C12orf42: variants seen among roughly 807,000 people sequenced by gnomAD.
C12orf42 encodes uncharacterized protein C12orf42.
C12orf42 carries 25 observed loss-of-function variants against 21.6 expected under a neutral mutation model. The ratio of observed to expected loss-of-function variants is 1.16; its 90% confidence interval spans 0.84 to 1.62. The LOEUF (loss-of-function observed/expected upper bound fraction) is 1.62. Ranked by LOEUF, C12orf42 falls within the 40% of genes most tolerant of loss-of-function variation. C12orf42 has a pLI of 0.00. For missense variants in C12orf42, 483 were observed against 459.3 expected (o/e 1.05, Z -0.47); for synonymous variants, 174 against 175.0 (o/e 0.99, Z 0.05).
At chr12:103,496,483 T>G (rs1294727938), upstream of C12orf42, among the ~76,000 whole-genome samples, 2 of 152,278 alleles carry the variant, frequency 1.3e-5, no homozygotes, top group South Asian at 4.1e-4. Context: ...CTTCCTCATC[T>G]CTATCCCACC....
the C12orf42 span, among the ~76,000 whole-genome samples, chr12:103,142,919 A>C: frequency 6.6e-6 from 1 of 152,226 alleles, no homozygotes; most frequent in Non-Finnish European, 1.5e-5. Context: ...AATTTCAAAG[A>C]AAACATATGC....
chr12:103,125,559 G>A, the C12orf42 span, among the ~76,000 whole-genome samples: 7 of 152,014 alleles, frequency 4.6e-5, no homozygotes, highest in Non-Finnish European at 1.0e-4. Context: ...GAAGAAATGA[G>A]TTCATTGCTC....
chr12:103,300,300 C>T (rs1450274343), downstream of C12orf42, among the ~76,000 whole-genome samples: 1 of 152,072 alleles, frequency 6.6e-6, no homozygotes, highest in Non-Finnish European at 1.5e-5. Context: ...TCTCAGGGAC[C>T]TAATGTTACT....
chr12:103,051,442 A>C, the C12orf42 span, among the ~76,000 whole-genome samples: 1 of 152,218 alleles, frequency 6.6e-6, no homozygotes, highest in African/African-American at 2.4e-5. Flanking sequence ...TGGAGAGGTA[A>C]TGACAACCAT....
chr12:103,119,185 T>C, the C12orf42 span, among the ~76,000 whole-genome samples: 2 of 152,236 alleles, frequency 1.3e-5, no homozygotes, highest in Admixed American at 6.5e-5. Flanking sequence ...CTGTTCTCTT[T>C]ATTTACTAGC....
At chr12:103,450,542 A>C (rs1278044843) in intron 2 of C12orf42, among the ~76,000 whole-genome samples, 1 of 152,076 alleles carries the variant, frequency 6.6e-6, no homozygotes, top group Non-Finnish European at 1.5e-5. Context: ...GCAGTGCATC[A>C]GTTATCTATT....
intron 4 of C12orf42, among the ~76,000 whole-genome samples, chr12:103,291,054 T>C (rs1470220607): frequency 6.6e-6 from 1 of 152,242 alleles, no homozygotes; most frequent in Non-Finnish European, 1.5e-5. Flanking sequence ...GAAAATATAG[T>C]ATTTAGTCAG....
intron 2 of C12orf42, among the ~76,000 whole-genome samples, chr12:103,474,056 T>A (rs953779089): frequency 1.3e-5 from 2 of 152,150 alleles, no homozygotes; most frequent in Non-Finnish European, 2.9e-5. Flanking sequence ...TACATCACCA[T>A]CCACCACCCC....
chr12:103,494,815 G>A (rs1197639871), intron 1 of C12orf42, among the ~76,000 whole-genome samples: 2 of 152,178 alleles, frequency 1.3e-5, no homozygotes, highest in South Asian at 4.1e-4. Context: ...GCGGTGAATA[G>A]GGTAAAGAAG....
At chr12:103,069,899 C>T in the C12orf42 span, among the ~76,000 whole-genome samples, 2 of 152,162 alleles carry the variant, frequency 1.3e-5, no homozygotes. Context: ...TTTCCTGATA[C>T]ACTTAGGGAC....
At chr12:103,056,960 T>C in the C12orf42 span, among the ~76,000 whole-genome samples, 12 of 152,316 alleles carry the variant, frequency 7.9e-5, no homozygotes, top group South Asian at 1.2e-3. Context: ...TAAATTGTTT[T>C]CAACTAATTC....
At position 103,368,976 on chromosome 12, in the gene C12orf42, G is replaced by A. The variant is rs77350329; in HGVS notation, c.170C>T (p.Thr57Ile). ...AATGAATCTGGAGCAGGGTACTGAAGTTCTTTCATAACAAGGGATGTGCTG... is the reference window on the plus strand; with the variant it reads ...AATGAATCTGGAGCAGGGTACTGAAATTCTTTCATAACAAGGGATGTGCTG... ...SAKHIPCYER[T>I]SVPCSRFINH... Residue 57 changes from threonine (T) to isoleucine (I), a missense_variant, in exon 4 of 6, where the codon ACT becomes ATT. By Grantham distance (89) the Thr-to-Ile change is moderately conservative. Coordinates refer to ENST00000548883, the MANE Select transcript of C12orf42 (RefSeq NM_198521.5). 2.5e-4 allele frequency: 402 copies of A among 1,594,010 alleles called. No homozygotes were observed. The African/African-American group carries it at 4.9e-3, about 19-fold the overall frequency.
chr12:103,440,010 A>T (rs924021950), intron 2 of C12orf42, among the ~76,000 whole-genome samples: 7 of 149,118 alleles, frequency 4.7e-5, no homozygotes, highest in African/African-American at 9.9e-5. Context: ...AACCAACCCA[A>T]ATGTCCAATA....
At chr12:103,562,424 C>T in the C12orf42 span, among the ~76,000 whole-genome samples, 4 of 152,210 alleles carry the variant, frequency 2.6e-5, no homozygotes, top group South Asian at 6.2e-4. Flanking sequence ...TTCACAGCAA[C>T]ACTTTGCCAA....
At chr12:103,522,547 T>C in the C12orf42 span, among the ~76,000 whole-genome samples, 2 of 152,106 alleles carry the variant, frequency 1.3e-5, no homozygotes, top group African/African-American at 4.8e-5. Context: ...CGTGCAAACC[T>C]GGAAGGAAAT....
At chr12:103,285,109 T>C (rs914345430) in intron 4 of C12orf42, among the ~76,000 whole-genome samples, 1 of 152,178 alleles carries the variant, frequency 6.6e-6, no homozygotes, top group Non-Finnish European at 1.5e-5. Context: ...AGAACATCAG[T>C]ACATATGGAA....
At chr12:103,532,948 G>C in the C12orf42 span, among the ~76,000 whole-genome samples, 2 of 152,120 alleles carry the variant, frequency 1.3e-5, no homozygotes. Context: ...CGGAGACAAC[G>C]GGGAATTGTG....
intron 2 of C12orf42, among the ~76,000 whole-genome samples, chr12:103,460,538 G>T (rs113019779): frequency 6.6e-6 from 1 of 152,110 alleles, no homozygotes; most frequent in Non-Finnish European, 1.5e-5. Context: ...TCTTGGACTC[G>T]CTCTCCAGTA....
chr12:103,293,493 A>C (rs2036955016), intron 4 of C12orf42, among the ~76,000 whole-genome samples: 1 of 151,840 alleles, frequency 6.6e-6, no homozygotes, highest in Non-Finnish European at 1.5e-5. Flanking sequence ...AATCCTCCAC[A>C]CTCCAAAATC....
Sources: gnomAD v4.1 joint callset for allele counts (sites outside exome capture counted in the v4.1 genomes callset) on GRCh38, gnomAD v4.1.1 for gene constraint, MANE v1.5 for transcripts, NCBI Gene and HGNC (gene_info 2026-07-23, HGNC 2026-07-21) for gene names.